Variants in TRPM6 observed in about 807,000 individuals in gnomAD.
TRPM6 encodes transient receptor potential cation channel subfamily M member 6.
In TRPM6, 111 loss-of-function variants were observed where a neutral mutation model predicts 247.6. That is an observed-to-expected ratio of 0.45 (90% CI 0.38 to 0.52). TRPM6 has a LOEUF of 0.52. Among genes scored for constraint, TRPM6 ranks in the 20% least tolerant of loss-of-function variants. The pLI is 0.00. For missense variants in TRPM6, 2,126 were observed against 2,421.5 expected (o/e 0.88, Z 2.56); for synonymous variants, 892 against 853.8 (o/e 1.04, Z -0.78).
At chr9:74,856,910 TAG>T (rs1200973181) in intron 2 of TRPM6, among the ~76,000 whole-genome samples, 1 of 152,124 alleles carries the variant, frequency 6.6e-6, no homozygotes, top group African/African-American at 2.4e-5. Flanking sequence ...TCCCACAATA[TAG>T]AGACAGTTTT....
chr9:74,872,679 A>G (rs1050372460), intron 1 of TRPM6, among the ~76,000 whole-genome samples: 4 of 151,818 alleles, frequency 2.6e-5, no homozygotes, highest in Non-Finnish European at 5.9e-5. Context: ...TGTCTTGGCC[A>G]GGCTGATTTC....
chr9:74,801,849 A>G, intron 16 of TRPM6, 49 bp downstream of exon 16: 1 of 1,605,706 alleles, frequency 6.2e-7, no homozygotes. Context: ...GTGTCTAACC[A>G]TTCTAAGAAG....
rs1433858736 is a variant in TRPM6 at position 74,724,552 on chromosome 9, A to G, written c.*61T>C. ...TAATCAACATCACGTTGATCAATCT[A>G]TGTTATCACAGAGTTCCTGGCAGGC... On this transcript the variant is annotated 3_prime_UTR_variant, in exon 39 of 39. Transcript: ENST00000360774. 1.1e-5 allele frequency: 17 copies of G among 1,611,940 alleles called. No individual in the cohort carries two copies. In the East Asian group the frequency reaches 2.7e-4, roughly 25 times the overall value.
At chr9:74,733,778 C>T (rs1309646092) in intron 36 of TRPM6, among the ~76,000 whole-genome samples, 1 of 152,036 alleles carries the variant, frequency 6.6e-6, no homozygotes, top group African/African-American at 2.4e-5. Context: ...GGCTGGTCTC[C>T]ATCTCCCGAC....
intron 1 of TRPM6, among the ~76,000 whole-genome samples, chr9:74,860,511 A>C (rs1367935466): frequency 7.9e-5 from 12 of 151,924 alleles, no homozygotes; most frequent in Admixed American, 7.2e-4. Flanking sequence ...GGCATGCACC[A>C]GCATGCCTGG....
intron 21 of TRPM6, among the ~76,000 whole-genome samples, chr9:74,783,744 T>C (rs957466883): frequency 8.5e-5 from 13 of 152,190 alleles, no homozygotes; most frequent in African/African-American, 2.7e-4. Context: ...AGAGAAAACA[T>C]TTCTGGTCTA....
intron 36 of TRPM6, among the ~76,000 whole-genome samples, chr9:74,736,026 C>T (rs1825683027): frequency 6.6e-6 from 1 of 152,210 alleles, no homozygotes. Context: ...ACCAACAGGA[C>T]CACACAGCTG....
chr9:74,844,292 T>C (rs1431277376), intron 3 of TRPM6, among the ~76,000 whole-genome samples: 1 of 152,224 alleles, frequency 6.6e-6, no homozygotes, highest in East Asian at 1.9e-4. Flanking sequence ...AAGCCAGACA[T>C]TGACTTCTCT....
rs987538781 is a variant in TRPM6, at chr9:74,860,340, A to T, written c.34-1592T>A. 4.6e-5 allele frequency among the ~76,000 whole-genome samples: 7 copies of T among 151,972 alleles called. No homozygotes were observed. In the East Asian group the frequency reaches 1.2e-3, roughly 25 times the overall value. ...AATGTAATTATTTATTTATTTATTT[A>T]TTTTTATTTTTTTATTTTTTTTGAG... On this transcript the variant is annotated intron_variant, in intron 1 of 38. Transcript: ENST00000360774.
rs182043130 is a variant in TRPM6, at chr9:74,882,955, G to A, written c.33+4869C>T. 1.3e-3 allele frequency among the ~76,000 whole-genome samples: 200 copies of A among 152,086 alleles called. 1 individual carries two copies. The highest frequency in any genetic ancestry group is 0.011 in the Admixed American group (170 of 15,268). On this transcript the variant is annotated intron_variant, in intron 1 of 38. Coordinates refer to ENST00000360774, the MANE Select transcript of TRPM6 (RefSeq NM_017662.5). ...GCTAAGTATATTCACATTGTTGTGC[G>A]GCCAATCTCCAGAACTTTTTCATCT...
chr9:74,811,075 C>G (rs534634555), intron 12 of TRPM6, among the ~76,000 whole-genome samples: 15 of 152,150 alleles, frequency 9.9e-5, no homozygotes, highest in South Asian at 2.1e-4. Flanking sequence ...AAGCAAGATG[C>G]AAATATGTAG....
At chr9:74,748,491 T>C (rs2118775095) in intron 30 of TRPM6, among the ~76,000 whole-genome samples, 1 of 152,322 alleles carries the variant, frequency 6.6e-6, no homozygotes, top group African/African-American at 2.4e-5. Context: ...CCTGAACACC[T>C]TCCAGTGGGA....
intron 19 of TRPM6, among the ~76,000 whole-genome samples, chr9:74,789,170 G>C (rs1447469357): frequency 6.6e-6 from 1 of 152,156 alleles, no homozygotes; most frequent in Admixed American, 6.5e-5. Flanking sequence ...CAAATACAAT[G>C]AACTGTGGCA....
intron 34 of TRPM6, 63 bp from the exon 35 acceptor site, chr9:74,739,512 T>C: frequency 6.4e-7 from 1 of 1,560,332 alleles, no homozygotes; most frequent in African/African-American, 1.4e-5. Flanking sequence ...GATCATGAAA[T>C]TACTATAGGC....
chr9:74,833,021 A>G (rs1829596655), intron 6 of TRPM6, among the ~76,000 whole-genome samples: 1 of 152,030 alleles, frequency 6.6e-6, no homozygotes, highest in South Asian at 2.1e-4. Context: ...ACTACACACC[A>G]GCCTGGGCAA....
intron 37 of TRPM6, among the ~76,000 whole-genome samples, chr9:74,732,283 C>T (rs954611385): frequency 1.4e-4 from 21 of 152,176 alleles, no homozygotes; most frequent in African/African-American, 4.8e-4. Flanking sequence ...ATTTTATAAG[C>T]ATATGATGGA....
rs980846669 is a variant in TRPM6, at chr9:74,887,507, C to T, written c.33+317G>A. 3.5e-6 allele frequency: 4 copies of T among 1,149,902 alleles called. No individual in the cohort carries two copies. The African/African-American group carries it at 6.1e-5, about 18-fold the overall frequency. The allele number at this position is 1,149,902 out of a possible 1,614,324, so 71.2% of individuals were successfully genotyped here. On this transcript the variant is annotated intron_variant, in intron 1 of 38. Coordinates refer to ENST00000360774, the MANE Select transcript of TRPM6 (RefSeq NM_017662.5). ...GCTGCCTCCTCTCCCGGGGTGTTTC[C>T]CACCGCCCCGAGCTGAACCCCCGAC...
In TRPM6 at chr9:74,762,225, A is replaced by G; in HGVS notation, c.4446T>C (p.Ser1482=). ...GGTGCTGTTCACTCCGAGAGGAATC[A>G]CTGTCACAAGTGGAGGGCAAGCAGG... ...WQTCLPSTCD[S]DSSRSEQHQK... Residue 1482 remains serine, a synonymous_variant, in exon 26 of 39, where the codon AGT becomes AGC. Transcript: ENST00000360774. 1.2e-6 allele frequency: 2 copies of G among 1,614,202 alleles called. No homozygotes were observed. The highest frequency in any genetic ancestry group is 1.6e-4 in the Middle Eastern group (1 of 6,062).
At position 74,762,811 on chromosome 9, in the gene TRPM6, G is replaced by T. The variant is rs1191187080; in HGVS notation, c.3860C>A (p.Ala1287Asp). Residue 1287 changes from alanine (A) to aspartate (D), a missense_variant, in exon 26 of 39, where the codon GCT becomes GAT. Ala to Asp is a moderately radical substitution (Grantham distance 126). Coordinates refer to ENST00000360774, the MANE Select transcript of TRPM6 (RefSeq NM_017662.5). ...CACTCTTGGGGGATGCCGGCCTCCA[G>T]CCAGGCTCCTCAGCAAAGAAGAGGG... ...SMPSSLLRSL[A>D]GGRHPPRVQR... The T allele has an allele frequency of 3.1e-6, 5 of 1,614,126 alleles. No individual in the cohort carries two copies. Among genetic ancestry groups the T allele is most frequent in the Non-Finnish European group, 4.2e-6 (5 of 1,180,026 alleles).
Sources: allele counts gnomAD v4.1 joint callset (sites outside exome capture counted in the v4.1 genomes callset), GRCh38; gene constraint gnomAD v4.1.1; transcripts MANE v1.5; gene names NCBI Gene and HGNC (gene_info 2026-07-23, HGNC 2026-07-21).